The following NFAM1 variants were observed in gnomAD, a reference collection of about 807,000 sequenced individuals.
NFAM1 encodes NFAT activating protein with ITAM motif 1.
Under a neutral mutation model 29.0 loss-of-function variants are expected in NFAM1, and 17 were observed. The observed-to-expected ratio is 0.59, with a 90% CI of 0.40 to 0.88. NFAM1 has a LOEUF of 0.88. Among genes scored for constraint, NFAM1 ranks in the 40% least tolerant of loss-of-function variants. NFAM1 has a pLI of 0.00. For missense variants in NFAM1, 324 were observed against 344.6 expected (o/e 0.94, Z 0.47); for synonymous variants, 175 against 147.2 (o/e 1.19, Z -1.36).
chr22:42,403,966 G>A (rs1929809789), intron 3 of NFAM1, among the ~76,000 whole-genome samples: 1 of 152,288 alleles, frequency 6.6e-6, no homozygotes, highest in South Asian at 2.1e-4. Flanking sequence ...AGAACAAGGA[G>A]GGCCTGGGAA....
intron 1 of NFAM1, among the ~76,000 whole-genome samples, chr22:42,414,710 C>A (rs1437775673): frequency 6.6e-6 from 1 of 151,984 alleles, no homozygotes; most frequent in Admixed American, 6.6e-5. Flanking sequence ...GCCCCCTCGA[C>A]CTGTGACCTC....
chr22:42,415,680 C>G (rs1930239240), intron 1 of NFAM1, among the ~76,000 whole-genome samples: 1 of 152,182 alleles, frequency 6.6e-6, no homozygotes, highest in Non-Finnish European at 1.5e-5. Flanking sequence ...CTCCTGGACC[C>G]GTGCCTCCCA....
Position 42,419,059 on chromosome 22 carries a change from G to A in NFAM1, c.122-7323C>T, listed in dbSNP as rs149616007. ...TGAACTTGGAGTTTGAGAGCTGGGCGGAGTTGCTATCCTCCCACACCTGGC... is the reference window on the plus strand; with the variant it reads ...TGAACTTGGAGTTTGAGAGCTGGGCAGAGTTGCTATCCTCCCACACCTGGC... On this transcript the variant is annotated intron_variant, in intron 1 of 5. Coordinates refer to ENST00000329021, the MANE Select transcript of NFAM1 (RefSeq NM_145912.8). The surrounding 1 kb of genome is among the most constrained non-coding windows in gnomAD (Gnocchi z 4.5). Among the ~76,000 whole-genome samples the A allele has an allele frequency of 4.1e-3, 619 of 152,316 alleles. 7 individuals are homozygous for A. The highest frequency in any genetic ancestry group is 0.01 in the Middle Eastern group (3 of 294).
chr22:42,415,294 C>CTTTTTTTTTTT (rs398037250), intron 1 of NFAM1, among the ~76,000 whole-genome samples: 15 of 94,830 alleles, frequency 1.6e-4, no homozygotes, highest in Non-Finnish European at 2.0e-4. Context: ...TTCTTTCTTT[C>CTTTTTTTTTTT]TTTTTTTTTT....
intron 1 of NFAM1, 140 bp from the exon 2 acceptor site, chr22:42,411,876 T>C: frequency 3.2e-6 from 2 of 628,556 alleles, no homozygotes; most frequent in East Asian, 5.5e-5. Flanking sequence ...GGCAGGCGGA[T>C]CACTGGAGGT....
At chr22:42,431,185 C>T (rs1039735766) in intron 1 of NFAM1, among the ~76,000 whole-genome samples, 6 of 152,202 alleles carry the variant, frequency 3.9e-5, no homozygotes, top group Non-Finnish European at 7.3e-5. Context: ...CTTGAGCAAA[C>T]GAACTGGCTT....
At chr22:42,418,130 G>A (rs939881908) in intron 1 of NFAM1, among the ~76,000 whole-genome samples, 5 of 152,308 alleles carry the variant, frequency 3.3e-5, no homozygotes, top group African/African-American at 9.6e-5. Flanking sequence ...GGCGATGAGC[G>A]GGGGCGTTTG....
intron 1 of NFAM1, among the ~76,000 whole-genome samples, chr22:42,423,463 C>G (rs991931715): frequency 6.6e-6 from 1 of 152,068 alleles, no homozygotes; most frequent in Non-Finnish European, 1.5e-5. Flanking sequence ...CTAAAAATGC[C>G]CAGCATTTTC....
At chr22:42,423,550 GAAAT>G (rs60005859) in intron 1 of NFAM1, among the ~76,000 whole-genome samples, 2 of 151,398 alleles carry the variant, frequency 1.3e-5, no homozygotes, top group East Asian at 1.9e-4. Context: ...CCCCATTTCT[GAAAT>G]AAATAAATAA....
Position 42,409,438 on chromosome 22 carries a change from G to T in NFAM1, c.561C>A (p.Asn187Lys). The change falls in exon 3 of 6, where the codon AAC becomes AAA. Residue 187 changes from asparagine to lysine, a missense_variant. Asn to Lys is a moderately conservative substitution (Grantham distance 94). Transcript: ENST00000329021. This position sits in a 1 kb window ranked among gnomAD's most constrained non-coding sequence, Gnocchi z 4.9. ...SVVGTALLLW[N>K]KKRMRGPGKD... ...GCTGTGAGCACTGATCCCGTACCTT[G>T]TTCCAGAGCAGCAGGGCCGTGCCCA... The T allele has an allele frequency of 6.8e-7, 1 of 1,471,714 alleles. No individual in the cohort carries two copies. The highest frequency in any genetic ancestry group is 9.1e-7 in the Non-Finnish European group (1 of 1,098,310). The allele number at this position is 1,471,714 out of a possible 1,614,324, so 91.2% of individuals were successfully genotyped here. A position where few individuals can be genotyped will look rare whatever the true frequency, so the allele number is the denominator to read the frequency against.
At chr22:42,395,182 AAAT>A (rs1165548073) in intron 4 of NFAM1, among the ~76,000 whole-genome samples, 1 of 151,292 alleles carries the variant, frequency 6.6e-6, no homozygotes, top group African/African-American at 2.4e-5. Flanking sequence ...TCAAAAAAAA[AAAT>A]AAAACAGGCC....
intron 4 of NFAM1, among the ~76,000 whole-genome samples, chr22:42,396,335 T>C (rs887105092): frequency 2.0e-5 from 3 of 152,192 alleles, no homozygotes; most frequent in African/African-American, 7.2e-5. Flanking sequence ...AATAGCTGTA[T>C]TGCTCCAATT....
At chr22:42,386,424 C>G (rs1268037206) in intron 5 of NFAM1, among the ~76,000 whole-genome samples, 1 of 116,346 alleles carries the variant, frequency 8.6e-6, no homozygotes, top group Non-Finnish European at 1.7e-5. Flanking sequence ...CACACACACA[C>G]ACAAAACAAA....
At chr22:42,430,556 C>CAAAAAAA (rs10684230) in intron 1 of NFAM1, among the ~76,000 whole-genome samples, 3 of 73,000 alleles carry the variant, frequency 4.1e-5, no homozygotes, top group African/African-American at 1.1e-4. Context: ...GTGAAACTCT[C>CAAAAAAA]AAAAAAAAAA....
intron 3 of NFAM1, among the ~76,000 whole-genome samples, chr22:42,402,214 G>A (rs571866581): frequency 2.8e-4 from 42 of 152,228 alleles, no homozygotes; most frequent in Non-Finnish European, 4.3e-4. Context: ...AGGGATGGAT[G>A]TGGGGAGAGA....
upstream of NFAM1, chr22:42,436,972 AGG>A: frequency 1.0e-6 from 1 of 980,614 alleles, no homozygotes; most frequent in South Asian, 4.7e-5. Flanking sequence ...GAGGTCACAG[AGG>A]GGACCCGGGC....
intron 1 of NFAM1, among the ~76,000 whole-genome samples, chr22:42,423,110 C>T (rs532956068): frequency 5.4e-5 from 1 of 18,642 alleles, no homozygotes; most frequent in Non-Finnish European, 8.8e-5. Flanking sequence ...AAGACTCCAT[C>T]TCAAAAAAAA....
chr22:42,435,370 A>G (rs571278681), upstream of NFAM1, among the ~76,000 whole-genome samples: 44 of 146,286 alleles, frequency 3.0e-4, no homozygotes, highest in East Asian at 7.1e-3. Flanking sequence ...TTTTTGAGAC[A>G]GAATTTTTCT....
At chr22:42,420,277 G>T (rs1323575968) in intron 1 of NFAM1, among the ~76,000 whole-genome samples, 1 of 151,884 alleles carries the variant, frequency 6.6e-6, no homozygotes, top group Non-Finnish European at 1.5e-5. Flanking sequence ...TTTAAGATCA[G>T]CCTGCAGAAT....
Sources: gnomAD v4.1 joint callset for allele counts (sites outside exome capture counted in the v4.1 genomes callset) on GRCh38, gnomAD v4.1.1 for gene constraint, Gnocchi (gnomAD v3.1) non-coding constraint, MANE v1.5 for transcripts, NCBI Gene and HGNC (gene_info 2026-07-23, HGNC 2026-07-21) for gene names.